The following TMCC1 variants were observed in gnomAD, a reference collection of about 807,000 sequenced individuals.
TMCC1 encodes transmembrane and coiled-coil domains protein 1.
A neutral mutation model predicts 52.4 loss-of-function variants in TMCC1; 15 were observed. The ratio of observed to expected loss-of-function variants is 0.29; its 90% CI spans 0.19 to 0.44. The LOEUF is 0.44. TMCC1 is among the 20% of genes least tolerant of loss of function. The probability of loss-of-function intolerance (pLI) is 1.00; values close to 1 mark genes in which losing one functional copy is unlikely to be tolerated. For missense variants in TMCC1, 503 were observed against 806.0 expected, an observed-to-expected ratio of 0.62 and a Z score of 4.55; for synonymous variants, 279 against 301.9, an observed-to-expected ratio of 0.92 and a Z score of 0.79.
chr3:129,747,393 T>C (rs979957408), intron 4 of TMCC1, among the ~76,000 whole-genome samples: 2 of 152,204 alleles, frequency 1.3e-5, no homozygotes, highest in African/African-American at 2.4e-5. Context: ...TACATAATAT[T>C]TGGCTCCATT....
At chr3:129,834,058 G>A (rs1408289575) in intron 2 of TMCC1, among the ~76,000 whole-genome samples, 1 of 152,200 alleles carries the variant, frequency 6.6e-6, no homozygotes, top group African/African-American at 2.4e-5. Flanking sequence ...AACTAAACAA[G>A]TGGTGAAGTG....
chr3:129,657,926 TTTC>T (rs2086772925), intron 5 of TMCC1, among the ~76,000 whole-genome samples: 1 of 152,210 alleles, frequency 6.6e-6, no homozygotes, highest in East Asian at 1.9e-4. Flanking sequence ...TGAAAACTTA[TTTC>T]TTCTATACAA....
At chr3:129,878,676 C>G (rs2061333485) in intron 2 of TMCC1, among the ~76,000 whole-genome samples, 1 of 152,164 alleles carries the variant, frequency 6.6e-6, no homozygotes, top group African/African-American at 2.4e-5. Flanking sequence ...TCACCCTGCC[C>G]AAACGCTCCA....
intron 4 of TMCC1, among the ~76,000 whole-genome samples, chr3:129,742,988 T>C (rs1207928357): frequency 6.6e-6 from 1 of 152,168 alleles, no homozygotes; most frequent in Non-Finnish European, 1.5e-5. Context: ...TAGGCAAATC[T>C]ATAGGGATAG....
At chr3:129,870,723 G>A (rs1190970271) in intron 2 of TMCC1, among the ~76,000 whole-genome samples, 23 of 17,840 alleles carry the variant, frequency 1.3e-3, no homozygotes, top group African/African-American at 5.8e-3. Context: ...GTTGGCGGGG[G>A]GGGGGGGGGG....
At chr3:129,827,706 T>A in intron 4 of TMCC1, 97 bp downstream of exon 4, 1 of 1,422,956 alleles carries the variant, frequency 7.0e-7, no homozygotes, top group Non-Finnish European at 9.5e-7. Flanking sequence ...TTTAAGGTAT[T>A]TGCTGAGATA....
chr3:129,708,054 G>A (rs540723298), intron 4 of TMCC1, among the ~76,000 whole-genome samples: 1 of 152,094 alleles, frequency 6.6e-6, no homozygotes, highest in South Asian at 2.1e-4. Context: ...GTAATTTAGT[G>A]CTTTGTCTTG....
intron 4 of TMCC1, among the ~76,000 whole-genome samples, chr3:129,821,521 T>G (rs1560488606): frequency 6.6e-6 from 1 of 152,160 alleles, no homozygotes. Flanking sequence ...TGGAAAAGAT[T>G]CCCAATTAAA....
At chr3:129,697,947 G>A (rs2047533300) in intron 4 of TMCC1, among the ~76,000 whole-genome samples, 1 of 152,056 alleles carries the variant, frequency 6.6e-6, no homozygotes, top group Non-Finnish European at 1.5e-5. Flanking sequence ...CCTGTCTCCT[G>A]AGCCCTCCAA....
chr3:129,716,998 T>C (rs1049186039), intron 4 of TMCC1, among the ~76,000 whole-genome samples: 1 of 152,208 alleles, frequency 6.6e-6, no homozygotes, highest in African/African-American at 2.4e-5. Context: ...AATAAGAAAC[T>C]GACAAATTTT....
chr3:129,793,314 T>C (rs768705818), intron 4 of TMCC1, among the ~76,000 whole-genome samples: 7 of 152,132 alleles, frequency 4.6e-5, no homozygotes, highest in Non-Finnish European at 1.0e-4. Flanking sequence ...AGCACTTTGC[T>C]CATTTCTGCA....
At chr3:129,663,678 GTA>G (rs1265009329) in intron 5 of TMCC1, among the ~76,000 whole-genome samples, 2 of 152,158 alleles carry the variant, frequency 1.3e-5, no homozygotes, top group Non-Finnish European at 2.9e-5. Flanking sequence ...CAAGAAAACA[GTA>G]AATATCTAAA....
At chr3:129,671,374 A>G (rs958608586) in intron 4 of TMCC1, 110 bp from the exon 5 acceptor site, 5 of 1,155,252 alleles carry the variant, frequency 4.3e-6, no homozygotes, top group Admixed American at 2.8e-5. Flanking sequence ...TCAGTAGATA[A>G]CTGACCTATA....
intron 4 of TMCC1, among the ~76,000 whole-genome samples, chr3:129,699,205 T>C (rs1173580911): frequency 1.1e-4 from 16 of 152,150 alleles, no homozygotes; most frequent in Non-Finnish European, 2.9e-5. Context: ...TCCAGAAAGT[T>C]AGGCATTTTA....
chr3:129,796,288 T>C (rs1348229479), intron 4 of TMCC1, among the ~76,000 whole-genome samples: 4 of 152,198 alleles, frequency 2.6e-5, no homozygotes, highest in Admixed American at 2.6e-4. Flanking sequence ...TGTAGTAGGT[T>C]ATGCTATCTA....
chr3:129,773,303 C>G (rs776897573), intron 4 of TMCC1, among the ~76,000 whole-genome samples: 2 of 152,088 alleles, frequency 1.3e-5, no homozygotes, highest in Non-Finnish European at 2.9e-5. Flanking sequence ...AATTCTTGCA[C>G]ATGTGTGGGT....
At chr3:129,653,245 A>G (rs925352234) in intron 6 of TMCC1, among the ~76,000 whole-genome samples, 2 of 152,210 alleles carry the variant, frequency 1.3e-5, no homozygotes, top group South Asian at 2.1e-4. Flanking sequence ...CTTTTCCACT[A>G]TAACAATGAT....
At chr3:129,853,826 T>C (rs564091561) in intron 2 of TMCC1, among the ~76,000 whole-genome samples, 152 of 152,262 alleles carry the variant, frequency 1.0e-3, no homozygotes, top group African/African-American at 3.4e-3. Flanking sequence ...CCTGTCTTCC[T>C]TCAGTATTCC....
intron 4 of TMCC1, among the ~76,000 whole-genome samples, chr3:129,808,364 C>T (rs909094964): frequency 2.0e-5 from 3 of 151,936 alleles, no homozygotes; most frequent in African/African-American, 7.3e-5. Context: ...CACCTGTAAT[C>T]CTAGCTACTC....
Sources: gnomAD v4.1 joint callset for allele counts (sites outside exome capture counted in the v4.1 genomes callset) on GRCh38, gnomAD v4.1.1 for gene constraint, MANE v1.5 for transcripts, NCBI Gene and HGNC (gene_info 2026-07-23, HGNC 2026-07-21) for gene names.